Variants in SLC12A7 observed in about 807,000 individuals in gnomAD.
SLC12A7 encodes solute carrier family 12 member 7.
A neutral mutation model predicts 120.6 loss-of-function variants in SLC12A7; 100 were observed. The observed-to-expected ratio is 0.83, with a 90% CI of 0.71 to 0.98. The LOEUF is 0.98. Ranked by LOEUF, SLC12A7 falls within the 50% of genes least tolerant of loss-of-function variation. The pLI is 0.00. For synonymous variants in SLC12A7, 760 were observed against 678.0 expected (o/e 1.12, Z -1.88); for missense variants, 1,373 against 1,548.1 (o/e 0.89, Z 1.90).
the SLC12A7 span, among the ~76,000 whole-genome samples, chr5:1,130,956 A>G: frequency 6.6e-6 from 1 of 151,844 alleles, no homozygotes; most frequent in Admixed American, 6.6e-5. Flanking sequence ...CTCACGTCGG[A>G]GGGTGGTCTG....
At position 1,078,148 on chromosome 5, in the gene SLC12A7, G is replaced by A. The variant is rs116912995; in HGVS notation, c.1455-141C>T. The A allele has an allele frequency of 5.1e-3, 5,370 of 1,056,508 alleles. 226 individuals are homozygous for A. The East Asian group carries it at 0.067, about 13-fold the overall frequency. The allele number at this position is 1,056,508 out of a possible 1,614,324, so 65.4% of individuals were successfully genotyped here. On this transcript the variant is annotated intron_variant, in intron 11 of 23. Coordinates refer to ENST00000264930, the MANE Select transcript of SLC12A7 (RefSeq NM_006598.3). ...AGCTGAGGCCCGGCCTCCAGTCCCCGTTGGCTGAAACCTCCACCAGGCTCT... is the reference window on the plus strand; with the variant it reads ...AGCTGAGGCCCGGCCTCCAGTCCCCATTGGCTGAAACCTCCACCAGGCTCT...
intron 16 of SLC12A7, among the ~76,000 whole-genome samples, chr5:1,074,317 C>T (rs958179043): frequency 4.6e-5 from 7 of 152,168 alleles, no homozygotes; most frequent in Admixed American, 1.3e-4. Context: ...CAGGAGCCAC[C>T]CTCTCCCACC....
chr5:1,136,814 C>A, the SLC12A7 span, among the ~76,000 whole-genome samples: 2 of 145,992 alleles, frequency 1.4e-5, no homozygotes, highest in Admixed American at 6.7e-5. Context: ...CGTGCTCAGA[C>A]ACCAACACCA....
intron 10 of SLC12A7, among the ~76,000 whole-genome samples, chr5:1,078,964 C>T (rs1349134337): frequency 6.6e-6 from 1 of 152,156 alleles, no homozygotes; most frequent in African/African-American, 2.4e-5. Context: ...GGGCTCTGTC[C>T]AGCGCCACAG....
intron 14 of SLC12A7, chr5:1,075,752 T>A: frequency 1.9e-6 from 1 of 527,820 alleles, no homozygotes. Context: ...CGGCTGTGCA[T>A]GCAACAAGGG....
upstream of SLC12A7, chr5:1,112,168 C>G (rs1179935414): frequency 4.4e-6 from 3 of 676,666 alleles, no homozygotes; most frequent in African/African-American, 5.7e-5. Flanking sequence ...GCGGCGACTT[C>G]CTGCAGGGAC....
At position 1,076,362 on chromosome 5, in the gene SLC12A7, CT is replaced by C. The variant is rs1220141893; in HGVS notation, c.1749-127del. On this transcript the variant is annotated intron_variant, in intron 13 of 23. Transcript: ENST00000264930. ...GCGCCTTGTCTCCCCATGTCTGTCTCTGCACGTGAGCTGACTCAGACTGATT... is the reference window on the plus strand; with the variant it reads ...GCGCCTTGTCTCCCCATGTCTGTCTCGCACGTGAGCTGACTCAGACTGATT... The C allele has an allele frequency of 8.0e-6, 4 of 500,796 alleles. No individual in the cohort carries two copies. In the Admixed American group the frequency reaches 1.4e-4, roughly 17 times the overall value. The allele number at this position is 500,796 out of a possible 1,614,324, so 31.0% of individuals were successfully genotyped here.
chr5:1,092,369 G>A (rs892464072), intron 3 of SLC12A7, among the ~76,000 whole-genome samples: 9 of 152,148 alleles, frequency 5.9e-5, no homozygotes, highest in Admixed American at 4.6e-4. Flanking sequence ...GCCGACGGAC[G>A]CCCCACTTGG....
Position 1,085,347 on chromosome 5 carries a change from C to A in SLC12A7, c.802G>T (p.Val268Leu). 6.2e-7 allele frequency: 1 copy of A among 1,612,588 alleles called. No homozygotes were observed. Among genetic ancestry groups the A allele is most frequent in the East Asian group, 2.2e-5 (1 of 44,858 alleles). ...AGCTTGTTGACATACTTGACGCCCA[C>A]GAAGACCACCAGGGCCATGAGCACG... ...TLVLMALVVFVGVKYVNKLAL... is the reference protein window; with the variant it reads ...TLVLMALVVFLGVKYVNKLAL... The change falls in exon 7 of 24, where the codon GTG becomes TTG. Residue 268 changes from valine (V) to leucine (L), a missense_variant. Val to Leu is a conservative substitution (Grantham distance 32, BLOSUM62 1). Coordinates refer to ENST00000264930, the MANE Select transcript of SLC12A7 (RefSeq NM_006598.3).
chr5:1,063,852 C>A lies in SLC12A7; in HGVS notation c.2731G>T (p.Val911Leu). 1 of 1,598,988 alleles carries A rather than the reference C, an allele frequency of 6.3e-7. No individual in the cohort carries two copies. ...AAGCCCTCGGGACTCACCATCTCCA[C>A]CACCTCCACCTCGGCGCTGATGCGC... ...HLRISAEVEV[V>L]EMVENDISAF... The change falls in exon 20 of 24, where the codon GTG (valine) becomes TTG (leucine). Residue 911 changes from valine (V) to leucine (L), a missense_variant. Val to Leu is a conservative substitution (Grantham distance 32). Coordinates refer to ENST00000264930, the MANE Select transcript of SLC12A7 (RefSeq NM_006598.3).
In SLC12A7 at chr5:1,073,716, C is replaced by A. The variant is rs763233456; in HGVS notation, c.2158G>T (p.Ala720Ser). The change falls in exon 17 of 24, where the codon GCC becomes TCC. Residue 720 changes from alanine (A) to serine (S), a missense_variant. By Grantham distance (99) the Ala-to-Ser change is moderately conservative. Transcript: ENST00000264930. ...CCCACGATGGTCAGGCCCTTGCCGG[C>A]CTTCAGCTGCGACGTGAAGGACAGC... ...RLLSFTSQLKAGKGLTIVGSV... is the reference protein window; with the variant it reads ...RLLSFTSQLKSGKGLTIVGSV... 2.8e-5 allele frequency: 44 copies of A among 1,579,966 alleles called. No individual in the cohort carries two copies. Among genetic ancestry groups the A allele is most frequent in the Non-Finnish European group, 3.7e-5 (43 of 1,161,122 alleles).
At chr5:1,087,208 C>G (rs1739965079) in intron 5 of SLC12A7, among the ~76,000 whole-genome samples, 175 bp from the exon 6 acceptor site, 1 of 152,198 alleles carries the variant, frequency 6.6e-6, no homozygotes, top group Non-Finnish European at 1.5e-5. Context: ...GAACTCTCCC[C>G]TCCCGAGGCT....
chr5:1,125,268 AGTGT>A, the SLC12A7 span, among the ~76,000 whole-genome samples: 20,959 of 150,400 alleles, frequency 0.14, 1,545 homozygotes, highest in Admixed American at 0.17. Flanking sequence ...TTTAAACGAA[AGTGT>A]GTGTGTGTGT....
intron 13 of SLC12A7, 125 bp from the exon 14 acceptor site, chr5:1,076,361 T>G: frequency 5.4e-6 from 4 of 747,250 alleles, no homozygotes; most frequent in Non-Finnish European, 8.7e-6. Context: ...CATGTCTGTC[T>G]CTGCACGTGA....
At position 1,074,621 on chromosome 5, in the gene SLC12A7, G is replaced by A. The variant is rs769599339; in HGVS notation, c.2018C>T (p.Ala673Val). ...CTCCACGCGCAGCAGGGCGTAGCGG[G>A]CGGCGTTCAGGGATAGGCCACGGAT... The part of the protein sequence containing the change: ...DGIRGLSLNA[A>V]RYALLRVEHG... Residue 673 changes from alanine (A) to valine (V), a missense_variant, in exon 16 of 24, where the codon GCC becomes GTC. Physicochemically the swap from Ala to Val is moderately conservative, Grantham distance 64 (BLOSUM62 0). Coordinates refer to ENST00000264930, the MANE Select transcript of SLC12A7 (RefSeq NM_006598.3). 3.7e-6 allele frequency: 6 copies of A among 1,612,886 alleles called. No homozygotes were observed. The Admixed American group carries it at 1.0e-4, about 27-fold the overall frequency.
chr5:1,057,354 A>C, intron 22 of SLC12A7, 117 bp downstream of exon 22: 1 of 1,080,624 alleles, frequency 9.3e-7, no homozygotes, highest in Non-Finnish European at 1.3e-6. Flanking sequence ...TAACGGGCCC[A>C]CTGGCCTGCA....
In SLC12A7 at chr5:1,064,199, C is replaced by T. The variant is rs188889163; in HGVS notation, c.2491G>A (p.Val831Ile). ...AHQALLVAKN[V>I]DSFPQNQERF... ...TCCTGGTTTTGCGGAAACGAGTCGACGTTCTTGGCCACCAGCAGAGCCTGG... is the reference window on the plus strand; with the variant it reads ...TCCTGGTTTTGCGGAAACGAGTCGATGTTCTTGGCCACCAGCAGAGCCTGG... The change falls in exon 19 of 24, where the codon GTC (valine) becomes ATC (isoleucine). Residue 831 changes from valine (V) to isoleucine (I), a missense_variant. Coordinates refer to ENST00000264930, the MANE Select transcript of SLC12A7 (RefSeq NM_006598.3). The T allele has an allele frequency of 1.2e-5, 20 of 1,612,366 alleles. 1 individual carries two copies. In the African/African-American group the frequency reaches 1.7e-4, roughly 14 times the overall value.
At chr5:1,064,807 G>A (rs528407528) in intron 18 of SLC12A7, among the ~76,000 whole-genome samples, 68 of 146,388 alleles carry the variant, frequency 4.6e-4, no homozygotes, top group Admixed American at 2.2e-3. Flanking sequence ...GAGACGGCGA[G>A]GGGACAGTGA....
At chr5:1,080,887 A>G (rs1282395384) in intron 9 of SLC12A7, among the ~76,000 whole-genome samples, 1 of 152,222 alleles carries the variant, frequency 6.6e-6, no homozygotes, top group Non-Finnish European at 1.5e-5. Flanking sequence ...AGCAGCAGAC[A>G]GGCTTCTCAC....
Sources: gnomAD v4.1 joint callset for allele counts (sites outside exome capture counted in the v4.1 genomes callset) on GRCh38, gnomAD v4.1.1 for gene constraint, MANE v1.5 for transcripts, NCBI Gene and HGNC (gene_info 2026-07-23, HGNC 2026-07-21) for gene names.